The following GPHN variants were observed in gnomAD, a reference collection of about 807,000 sequenced individuals.
GPHN encodes gephyrin.
A neutral mutation model predicts 95.5 loss-of-function variants in GPHN; 17 were observed. The observed-to-expected ratio is 0.18, with a 90% CI of 0.12 to 0.27. The LOEUF (loss-of-function observed/expected upper bound fraction) is 0.27. Ranked by LOEUF, GPHN falls within the 10% of genes least tolerant of loss-of-function variation. GPHN has a pLI of 1.00. For missense variants in GPHN, 660 were observed against 978.1 expected (o/e 0.67, Z 4.34); for synonymous variants, 320 against 322.5 (o/e 0.99, Z 0.08).
chr14:67,409,061 A>G, the GPHN span, among the ~76,000 whole-genome samples: 2 of 151,714 alleles, frequency 1.3e-5, no homozygotes, highest in East Asian at 3.9e-4. Context: ...TAAAAAAAAA[A>G]AAAGAAATAA....
At chr14:66,979,064 G>A (rs2153597554) in intron 9 of GPHN, among the ~76,000 whole-genome samples, 1 of 152,316 alleles carries the variant, frequency 6.6e-6, no homozygotes. Context: ...GCTGCAAAAA[G>A]ATGTGCTGTC....
intron 1 of GPHN, among the ~76,000 whole-genome samples, chr14:66,529,753 G>T (rs529998990): frequency 6.6e-6 from 1 of 152,244 alleles, no homozygotes; most frequent in African/African-American, 2.4e-5. Flanking sequence ...TAGTTTGCTG[G>T]AGGTCCACTC....
chr14:66,980,154 G>A, intron 9 of GPHN, among the ~76,000 whole-genome samples: 1 of 152,208 alleles, frequency 6.6e-6, no homozygotes, highest in Non-Finnish European at 1.5e-5. Context: ...ATGTGACACA[G>A]AGACAGGAAG....
At chr14:67,302,389 TATAC>T in the GPHN span, 1 of 1,373,282 alleles carries the variant, frequency 7.3e-7, no homozygotes. Context: ...ATTTTTAAAT[TATAC>T]ATATATATAT....
At chr14:67,082,888 A>G (rs1442603566) in intron 11 of GPHN, among the ~76,000 whole-genome samples, 3 of 152,182 alleles carry the variant, frequency 2.0e-5, no homozygotes, top group African/African-American at 7.2e-5. Context: ...TTCATTCATC[A>G]GTTGATGGAT....
intron 21 of GPHN, among the ~76,000 whole-genome samples, chr14:67,175,219 T>A (rs1434472667): frequency 1.3e-5 from 2 of 152,226 alleles, no homozygotes. Context: ...AGGTCTAACA[T>A]GTAAGTCTTT....
intron 3 of GPHN, among the ~76,000 whole-genome samples, chr14:66,781,219 C>A (rs1050008526): frequency 6.7e-6 from 1 of 150,106 alleles, no homozygotes; most frequent in African/African-American, 2.4e-5. Flanking sequence ...ATTCTGACTT[C>A]TTTCTTTTTT....
intron 8 of GPHN, among the ~76,000 whole-genome samples, chr14:66,943,752 T>C (rs1343587178): frequency 3.3e-5 from 5 of 152,108 alleles, no homozygotes; most frequent in African/African-American, 1.2e-4. Context: ...ACAACACATA[T>C]ATAACTAAAC....
At chr14:67,221,695 C>A in the GPHN span, 2 of 1,562,960 alleles carry the variant, frequency 1.3e-6, no homozygotes, top group Middle Eastern at 2.0e-4. Flanking sequence ...AAAGAATGAC[C>A]GGTTATTTTA....
chr14:67,165,933 A>T (rs991693062), intron 20 of GPHN, among the ~76,000 whole-genome samples: 1 of 152,236 alleles, frequency 6.6e-6, no homozygotes, highest in African/African-American at 2.4e-5. Context: ...GATAAATTTT[A>T]AAATAATTTA....
the GPHN span, among the ~76,000 whole-genome samples, chr14:67,347,934 CAG>C: frequency 2.6e-4 from 38 of 147,756 alleles, no homozygotes; most frequent in African/African-American, 9.6e-4. Flanking sequence ...TTTTTTGAGA[CAG>C]AGTCTCACTC....
At chr14:67,187,062 G>A in the GPHN span, among the ~76,000 whole-genome samples, 2 of 152,152 alleles carry the variant, frequency 1.3e-5, no homozygotes, top group African/African-American at 4.8e-5. Flanking sequence ...TAAGTGGTCT[G>A]AAATATAGTT....
the GPHN span, among the ~76,000 whole-genome samples, chr14:67,201,245 G>C: frequency 1.3e-5 from 2 of 152,188 alleles, no homozygotes. Flanking sequence ...AGTGAGCTAG[G>C]ATGGCGCTAC....
At chr14:66,942,941 G>C (rs544209790) in intron 8 of GPHN, among the ~76,000 whole-genome samples, 1 of 152,208 alleles carries the variant, frequency 6.6e-6, no homozygotes, top group South Asian at 2.1e-4. Context: ...TTGCCAAAAT[G>C]ATGACTCAGA....
chr14:66,616,385 G>C (rs1377895507), intron 1 of GPHN, among the ~76,000 whole-genome samples: 1 of 149,418 alleles, frequency 6.7e-6, no homozygotes, highest in Non-Finnish European at 1.5e-5. Context: ...CTGACCCATG[G>C]ATGGGTCAGC....
intron 11 of GPHN, among the ~76,000 whole-genome samples, chr14:67,062,799 T>C (rs1361167150): frequency 6.6e-6 from 1 of 152,152 alleles, no homozygotes; most frequent in Non-Finnish European, 1.5e-5. Context: ...TTTAAGTTCT[T>C]TTAGTAGATT....
intron 9 of GPHN, among the ~76,000 whole-genome samples, chr14:66,975,057 A>G (rs1351204778): frequency 1.8e-4 from 27 of 152,178 alleles, no homozygotes; most frequent in Admixed American, 1.8e-3. Context: ...ATAGCTTTTA[A>G]CCTATCTTGC....
chr14:67,651,615 A>AG, the GPHN span: 1 of 927,672 alleles, frequency 1.1e-6, no homozygotes, highest in Non-Finnish European at 1.6e-6. Flanking sequence ...CTTAGCAGGA[A>AG]GTACTCATAA....
chr14:67,347,060 C>T, the GPHN span, among the ~76,000 whole-genome samples: 1 of 152,062 alleles, frequency 6.6e-6, no homozygotes, highest in Non-Finnish European at 1.5e-5. Context: ...GATCAGAACT[C>T]GCTGCAACTA....
Sources: allele counts gnomAD v4.1 joint callset (sites outside exome capture counted in the v4.1 genomes callset), GRCh38; gene constraint gnomAD v4.1.1; transcripts MANE v1.5; gene names NCBI Gene and HGNC (gene_info 2026-07-23, HGNC 2026-07-21).